Variants in SYNPR observed in about 807,000 individuals in gnomAD.
SYNPR encodes the protein synaptoporin.
In SYNPR, 23 loss-of-function variants were observed where a neutral mutation model predicts 32.9. That is an observed-to-expected ratio of 0.70 (90% CI 0.50 to 0.99). The LOEUF is 0.99. SYNPR is among the 50% of genes least tolerant of loss of function. The pLI is 0.00. For missense variants in SYNPR, 318 were observed against 349.3 expected, an observed-to-expected ratio of 0.91 and a Z score of 0.71; for synonymous variants, 146 against 135.9, an observed-to-expected ratio of 1.07 and a Z score of -0.52.
At chr3:63,397,674 T>G (rs896150366) in intron 2 of SYNPR, among the ~76,000 whole-genome samples, 1 of 152,120 alleles carries the variant, frequency 6.6e-6, no homozygotes, top group Non-Finnish European at 1.5e-5. Context: ...GACTACCAAT[T>G]TTGGCATTAG....
chr3:63,409,183 A>G (rs777796631), intron 2 of SYNPR, among the ~76,000 whole-genome samples: 3 of 151,974 alleles, frequency 2.0e-5, no homozygotes, highest in African/African-American at 4.8e-5. Flanking sequence ...TTTTCTCCCA[A>G]CAAGTCTCCT....
intron 1 of SYNPR, among the ~76,000 whole-genome samples, chr3:63,252,214 C>A (rs540517670): frequency 5.3e-5 from 8 of 152,254 alleles, no homozygotes; most frequent in African/African-American, 1.9e-4. Flanking sequence ...ATATGAATGA[C>A]ACAGTCAACT....
intron 2 of SYNPR, among the ~76,000 whole-genome samples, chr3:63,389,366 G>A (rs1326261011): frequency 6.6e-6 from 1 of 152,170 alleles, no homozygotes; most frequent in Admixed American, 6.5e-5. Flanking sequence ...CTAAAATGAT[G>A]TTGTCACATT....
At chr3:63,208,440 C>T in the SYNPR span, among the ~76,000 whole-genome samples, 1 of 152,184 alleles carries the variant, frequency 6.6e-6, no homozygotes, top group African/African-American at 2.4e-5. Flanking sequence ...CACATATGGT[C>T]TTCTAATGTT....
At chr3:63,245,696 AGAGAGAGAGAGAGAGTGT>A (rs1392323014) in intron 1 of SYNPR, among the ~76,000 whole-genome samples, 3 of 75,670 alleles carry the variant, frequency 4.0e-5, no homozygotes, top group East Asian at 2.3e-4. Context: ...AGAGAGAGAG[AGAGAGAGAGAGAGAGTGT>A]GTGTGTGTGT....
At chr3:63,314,535 T>G (rs1042682079) in intron 2 of SYNPR, among the ~76,000 whole-genome samples, 13 of 151,908 alleles carry the variant, frequency 8.6e-5, no homozygotes, top group African/African-American at 2.4e-4. Context: ...CTACTGAGAA[T>G]TGTCTATTCA....
At chr3:63,470,173 A>G (rs1010363477) in intron 2 of SYNPR, among the ~76,000 whole-genome samples, 1 of 151,792 alleles carries the variant, frequency 6.6e-6, no homozygotes, top group African/African-American at 2.4e-5. Context: ...AAATTTCTGT[A>G]AAAAAGTATA....
intron 4 of SYNPR, among the ~76,000 whole-genome samples, chr3:63,562,896 A>G (rs1702716067): frequency 6.6e-6 from 1 of 152,182 alleles, no homozygotes; most frequent in Admixed American, 6.5e-5. Flanking sequence ...TCACGTATAG[A>G]ATAGTGTTAA....
At chr3:63,236,420 G>A (rs1195961374) in intron 1 of SYNPR, among the ~76,000 whole-genome samples, 1 of 152,020 alleles carries the variant, frequency 6.6e-6, no homozygotes, top group Non-Finnish European at 1.5e-5. Flanking sequence ...AAACCTTGCT[G>A]GGATTGTGAC....
chr3:63,609,444 A>C, intron 5 of SYNPR, 128 bp downstream of exon 5: 1 of 730,444 alleles, frequency 1.4e-6, no homozygotes, highest in Non-Finnish European at 2.1e-6. Flanking sequence ...AAGGTGAGAT[A>C]CTTCACCTCA....
At chr3:63,223,909 T>G (rs2086110987), upstream of SYNPR, among the ~76,000 whole-genome samples, 1 of 152,196 alleles carries the variant, frequency 6.6e-6, no homozygotes, top group Admixed American at 6.5e-5. Flanking sequence ...TCATGATGCA[T>G]GTATCATAGT....
chr3:63,263,709 G>A (rs1206651240), intron 2 of SYNPR, among the ~76,000 whole-genome samples: 1 of 152,156 alleles, frequency 6.6e-6, no homozygotes, highest in Non-Finnish European at 1.5e-5. Flanking sequence ...ACTTTTCCTG[G>A]TTTCACCATG....
intron 2 of SYNPR, among the ~76,000 whole-genome samples, chr3:63,310,262 C>T (rs1226315595): frequency 2.0e-5 from 3 of 151,898 alleles, no homozygotes; most frequent in South Asian, 4.1e-4. Flanking sequence ...GGAAAGTAGA[C>T]TCTTATTGTT....
chr3:63,534,719 C>G (rs1382242766), intron 3 of SYNPR, among the ~76,000 whole-genome samples: 3 of 152,074 alleles, frequency 2.0e-5, no homozygotes, highest in Admixed American at 1.3e-4. Context: ...TCAGGCTGCT[C>G]CAGCTCACGG....
chr3:63,284,460 T>C (rs1420590065), intron 2 of SYNPR, among the ~76,000 whole-genome samples: 1 of 152,142 alleles, frequency 6.6e-6, no homozygotes, highest in Non-Finnish European at 1.5e-5. Context: ...ATTTTTGACA[T>C]TCATCCCTAA....
chr3:63,595,751 AT>A lies in SYNPR; in HGVS notation c.409-13373del, dbSNP rs1458615695. Among the ~76,000 whole-genome samples, 361 of 43,388 alleles carry A rather than the reference AT, an allele frequency of 8.3e-3. 9 individuals carry two copies. The highest frequency in any genetic ancestry group is 0.02 in the African/African-American group (150 of 7,606). 28.5% of individuals were successfully genotyped at this position (43,388 alleles called of 152,430 possible). A position where few individuals can be genotyped will look rare whatever the true frequency, so the allele number is the denominator to read the frequency against. On this transcript the variant is annotated intron_variant, in intron 4 of 5. Transcript: ENST00000478300. ...TATATATATATATATATATATATAT[AT>A]ATATATATATATATATAATTTTATA...
intron 4 of SYNPR, among the ~76,000 whole-genome samples, chr3:63,598,290 A>T (rs1473281079): frequency 6.6e-6 from 1 of 152,192 alleles, no homozygotes; most frequent in Non-Finnish European, 1.5e-5. Flanking sequence ...GTCACCAAAG[A>T]TGACTCCCTT....
upstream of SYNPR, among the ~76,000 whole-genome samples, chr3:63,226,940 C>T (rs1444754288): frequency 6.6e-6 from 1 of 152,118 alleles, no homozygotes; most frequent in Non-Finnish European, 1.5e-5. Flanking sequence ...TTGATCATCA[C>T]ACATCCTATG....
rs2086186895 is a variant in SYNPR at position 63,234,444 on chromosome 3, C to G, written n.66+6064C>G. Among the ~76,000 whole-genome samples the G allele has an allele frequency of 2.6e-5, 4 of 152,150 alleles. No individual in the cohort carries two copies. In the South Asian group the frequency reaches 8.3e-4, roughly 32 times the overall value. ...TTCCCACTGGAGGAAAGGTTTATAA[C>G]TACATAGCAGGCACACCAACCCAGA... On this transcript the variant is annotated intron_variant and non_coding_transcript_variant, in intron 1 of 4. Coordinates refer to the SYNPR transcript ENST00000478456.
Sources: gnomAD v4.1 joint callset for allele counts (sites outside exome capture counted in the v4.1 genomes callset) on GRCh38, gnomAD v4.1.1 for gene constraint, MANE v1.5 for transcripts, NCBI Gene and HGNC (gene_info 2026-07-23, HGNC 2026-07-21) for gene names.